Variants in SYTL3 observed in about 807,000 individuals in gnomAD.
The protein encoded by SYTL3 is synaptotagmin like 3.
In SYTL3, 88 loss-of-function variants were observed where a neutral mutation model predicts 82.1. The ratio of observed to expected loss-of-function variants is 1.07; its 90% CI spans 0.90 to 1.28. The LOEUF is 1.28. SYTL3 is among the 50% of genes most tolerant of loss of function. The pLI is 0.00. For missense variants in SYTL3, 831 were observed against 757.6 expected (o/e 1.10, Z -1.14); for synonymous variants, 311 against 289.4 (o/e 1.07, Z -0.76).
intron 5 of SYTL3, among the ~76,000 whole-genome samples, chr6:158,680,165 A>G (rs1038136003): frequency 2.0e-5 from 3 of 152,110 alleles, no homozygotes; most frequent in Non-Finnish European, 4.4e-5. Context: ...TAGAAATTGA[A>G]TATGGAGAGG....
chr6:158,752,683 G>A (rs1788542274), intron 13 of SYTL3, among the ~76,000 whole-genome samples: 1 of 152,234 alleles, frequency 6.6e-6, no homozygotes, highest in Non-Finnish European at 1.5e-5. Context: ...GGTGCAGGGT[G>A]AGGGGGGTAG....
chr6:158,759,971 C>T (rs147735425), intron 14 of SYTL3, among the ~76,000 whole-genome samples: 2 of 152,088 alleles, frequency 1.3e-5, no homozygotes, highest in Non-Finnish European at 2.9e-5. Flanking sequence ...CCAGTGTGGC[C>T]CAGGGAAGCC....
rs1316945798 is a variant in SYTL3, at chr6:158,764,456, C to T, written c.1724-39C>T. On this transcript the variant is annotated intron_variant, in intron 17 of 17. Coordinates refer to ENST00000611299, the MANE Select transcript of SYTL3 (RefSeq NM_001242394.2). The stretch of plus-strand genomic sequence containing the variant: ...GGGATGAGAGGGGATGAAGTGGTGC[C>T]CTCCCCGACCATGGCTAAATTGTCT... 5.4e-6 allele frequency: 8 copies of T among 1,483,124 alleles called. No homozygotes were observed. In the African/African-American group the frequency reaches 8.3e-5, roughly 15 times the overall value. 91.9% of individuals were successfully genotyped at this position (1,483,124 alleles called of 1,614,324 possible).
At chr6:158,722,248 C>T (rs1784200776) in intron 10 of SYTL3, among the ~76,000 whole-genome samples, 1 of 152,002 alleles carries the variant, frequency 6.6e-6, no homozygotes, top group Admixed American at 6.6e-5. Context: ...GTAGCTTCTA[C>T]CTCCTGGGCT....
intron 6 of SYTL3, among the ~76,000 whole-genome samples, chr6:158,688,656 G>A (rs1404970928): frequency 1.3e-5 from 2 of 152,086 alleles, no homozygotes; most frequent in Non-Finnish European, 2.9e-5. Flanking sequence ...ATCATAAAGA[G>A]CAATGTTAAA....
In SYTL3 at chr6:158,693,844, C is replaced by CTTTTACTTTTTTT. The variant is rs763990639; in HGVS notation, c.394+10859_394+10860insACTTTTTTTTTTT. Among the ~76,000 whole-genome samples, 139 of 55,576 alleles carry CTTTTACTTTTTTT rather than the reference C, an allele frequency of 2.5e-3. 7 individuals are homozygous for CTTTTACTTTTTTT. Among genetic ancestry groups the CTTTTACTTTTTTT allele is most frequent in the Middle Eastern group, 8.6e-3 (1 of 116 alleles). 36.5% of individuals were successfully genotyped at this position (55,576 alleles called of 152,430 possible). ...AGGTGTGCCACTGCATCCAGCCTTT[C>CTTTTACTTTTTTT]TTTTTCTTTTCTTTTTTTTTTTTTT... On this transcript the variant is annotated intron_variant, in intron 6 of 17. Coordinates refer to ENST00000611299, the MANE Select transcript of SYTL3 (RefSeq NM_001242394.2).
At chr6:158,720,783 T>G (rs1251074680) in intron 10 of SYTL3, among the ~76,000 whole-genome samples, 1 of 152,162 alleles carries the variant, frequency 6.6e-6, no homozygotes, top group African/African-American at 2.4e-5. Flanking sequence ...ACAGGGACAC[T>G]GGGGCAAAGA....
At chr6:158,666,482 C>T (rs1790068140) in intron 5 of SYTL3, among the ~76,000 whole-genome samples, 1 of 152,188 alleles carries the variant, frequency 6.6e-6, no homozygotes, top group African/African-American at 2.4e-5. Flanking sequence ...CAAGAATGAA[C>T]TGGCCATGAG....
At position 158,705,853 on chromosome 6, in the gene SYTL3, G is replaced by C. The variant is rs146977071; in HGVS notation, c.395-1377G>C. On this transcript the variant is annotated intron_variant, in intron 6 of 17. Transcript: ENST00000611299. ...ACCCTGTGGTATATTGCCGCCCGCAGACTGCTGTGCACCAGCTGTCTCCCA... is the reference window on the plus strand; with the variant it reads ...ACCCTGTGGTATATTGCCGCCCGCACACTGCTGTGCACCAGCTGTCTCCCA... Among the ~76,000 whole-genome samples, 324 of 152,256 alleles carry C rather than the reference G, an allele frequency of 2.1e-3. 1 individual carries two copies. The highest frequency in any genetic ancestry group is 6.9e-3 in the African/African-American group (288 of 41,534).
chr6:158,748,845 G>GAA (rs11361662), intron 12 of SYTL3, among the ~76,000 whole-genome samples: 3,379 of 138,252 alleles, frequency 0.024, 42 homozygotes, highest in African/African-American at 0.041. Context: ...AACTCCGCCT[G>GAA]AAAAAAAAAA....
At chr6:158,653,275 G>A (rs1404492031) in intron 2 of SYTL3, among the ~76,000 whole-genome samples, 8 of 152,086 alleles carry the variant, frequency 5.3e-5, no homozygotes, top group Non-Finnish European at 1.2e-4. Context: ...GGGAGGCCAC[G>A]GTGGGCAGAT....
intron 6 of SYTL3, among the ~76,000 whole-genome samples, chr6:158,702,602 A>G (rs1257579425): frequency 6.6e-6 from 1 of 152,044 alleles, no homozygotes; most frequent in East Asian, 1.9e-4. Flanking sequence ...GTTGGTTTCC[A>G]GGTGGTCGTT....
At chr6:158,741,404 C>T (rs1310152683) in intron 11 of SYTL3, among the ~76,000 whole-genome samples, 4 of 152,180 alleles carry the variant, frequency 2.6e-5, no homozygotes, top group Non-Finnish European at 1.5e-5. Flanking sequence ...GTGTGACATG[C>T]AGTAGGGCGT....
chr6:158,677,983 G>C (rs1467233275), intron 5 of SYTL3, among the ~76,000 whole-genome samples: 1 of 152,064 alleles, frequency 6.6e-6, no homozygotes, highest in Non-Finnish European at 1.5e-5. Flanking sequence ...TCCACCTCCT[G>C]GGCTCAAGCA....
rs535139399 is a variant in SYTL3 at position 158,690,113 on chromosome 6, C to T, written c.394+7124C>T. 9.0e-4 allele frequency among the ~76,000 whole-genome samples: 137 copies of T among 152,350 alleles called. 1 individual carries two copies. Among genetic ancestry groups the T allele is most frequent in the African/African-American group, 2.8e-3 (116 of 41,586 alleles). ...ACCACTCTCCTTGTGCCCAGCCCTG[C>T]GCTCCAGCGGGTGCTGTCTCATAGA... On this transcript the variant is annotated intron_variant, in intron 6 of 17. Transcript: ENST00000611299.
At chr6:158,699,788 A>C (rs1225085454) in intron 6 of SYTL3, among the ~76,000 whole-genome samples, 1 of 149,956 alleles carries the variant, frequency 6.7e-6, no homozygotes, top group Non-Finnish European at 1.5e-5. Flanking sequence ...TCACTACTAA[A>C]AATACAAAAA....
rs10434825 is a variant in SYTL3 at position 158,761,598 on chromosome 6, A to G, written c.1415-478A>G. Among the ~76,000 whole-genome samples, 274 of 152,016 alleles carry G rather than the reference A, an allele frequency of 1.8e-3. 3 individuals carry two copies. Among genetic ancestry groups the G allele is most frequent in the South Asian group, 7.5e-3 (36 of 4,814 alleles). On this transcript the variant is annotated intron_variant, in intron 15 of 17. Transcript: ENST00000611299. ...GCTGGGATTACAGGCGTGAGCCACC[A>G]CGCCCGGCCCAGAATGCACATTTCT...
At chr6:158,708,203 A>G in intron 7 of SYTL3, 119 bp from the exon 8 acceptor site, 2 of 919,628 alleles carry the variant, frequency 2.2e-6, no homozygotes, top group Non-Finnish European at 1.8e-6. Flanking sequence ...AAAGTGAGGC[A>G]GTTTAAAAAA....
intron 3 of SYTL3, among the ~76,000 whole-genome samples, chr6:158,662,287 G>T (rs550829372): frequency 6.6e-6 from 1 of 152,292 alleles, no homozygotes; most frequent in South Asian, 2.1e-4. Flanking sequence ...GAACCTTTCA[G>T]CTGTCATTAA....
Sources: gnomAD v4.1 joint callset for allele counts (sites outside exome capture counted in the v4.1 genomes callset) on GRCh38, gnomAD v4.1.1 for gene constraint, MANE v1.5 for transcripts, NCBI Gene and HGNC (gene_info 2026-07-23, HGNC 2026-07-21) for gene names.